RYR2: variants seen among roughly 807,000 people sequenced by gnomAD.
RYR2 encodes ryanodine receptor 2, also known as cardiac muscle ryanodine receptor-calcium release channel.
A neutral mutation model predicts 601.1 loss-of-function variants in RYR2; 227 were observed. That is an observed-to-expected ratio of 0.38 (90% confidence interval 0.34 to 0.42). The LOEUF (loss-of-function observed/expected upper bound fraction) is 0.42. Among genes scored for constraint, RYR2 ranks in the 10% least tolerant of loss-of-function variants. The pLI is 1.00. For missense variants in RYR2, 4,646 were observed against 6,156.5 expected, an observed-to-expected ratio of 0.75 and a Z score of 8.21; for synonymous variants, 2,223 against 2,175.1, an observed-to-expected ratio of 1.02 and a Z score of -0.61.
chr1:237,163,456 G>A (rs2485595), intron 1 of RYR2, among the ~76,000 whole-genome samples: 83,593 of 150,454 alleles, frequency 0.56, 24,537 homozygotes, highest in Non-Finnish European at 0.65. Context: ...TGGCATTACT[G>A]ATGTAAACAC....
chr1:237,435,674 A>T (rs1707274018), intron 12 of RYR2, among the ~76,000 whole-genome samples: 1 of 152,210 alleles, frequency 6.6e-6, no homozygotes, highest in Admixed American at 6.5e-5. Context: ...ACATATCATA[A>T]TTTGATAGTT....
intron 67 of RYR2, 27 bp from the exon 68 acceptor site, chr1:237,706,922 C>G: frequency 6.4e-7 from 1 of 1,562,172 alleles, no homozygotes; most frequent in Non-Finnish European, 8.8e-7. Flanking sequence ...CTTTGAATAT[C>G]ATCCATTTTT....
intron 22 of RYR2, among the ~76,000 whole-genome samples, chr1:237,504,594 C>T (rs941686036): frequency 6.6e-6 from 1 of 152,180 alleles, no homozygotes; most frequent in Non-Finnish European, 1.5e-5. Flanking sequence ...AGAGGCCTGA[C>T]AATACTTTTA....
intron 37 of RYR2, among the ~76,000 whole-genome samples, chr1:237,616,902 C>T (rs1312409758): frequency 4.6e-5 from 7 of 152,136 alleles, no homozygotes; most frequent in Admixed American, 3.3e-4. Flanking sequence ...GGGGAACTTC[C>T]ATTTATAAAA....
intron 2 of RYR2, among the ~76,000 whole-genome samples, chr1:237,302,942 C>T (rs1693506079): frequency 1.3e-5 from 2 of 152,132 alleles, no homozygotes. Context: ...ATCTTCTGAG[C>T]TGTGTTTCTA....
At chr1:237,648,013 G>A (rs187211632) in intron 48 of RYR2, among the ~76,000 whole-genome samples, 82 of 152,270 alleles carry the variant, frequency 5.4e-4, no homozygotes, top group Middle Eastern at 6.8e-3. Context: ...GTTCTAAGAC[G>A]TGAAAATGTA....
chr1:237,064,121 T>C (rs1178630312), intron 1 of RYR2, among the ~76,000 whole-genome samples: 1 of 152,214 alleles, frequency 6.6e-6, no homozygotes, highest in African/African-American at 2.4e-5. Flanking sequence ...ATTCCGATGA[T>C]AGATATTTTG....
chr1:237,711,646 A>T lies in RYR2; in HGVS notation c.10231-99A>T, dbSNP rs181747713. On this transcript the variant is annotated intron_variant, in intron 70 of 104. Transcript: ENST00000366574. ...TTTGATAATTCTTATATATCAAATT[A>T]ATACTTATCTCTGTAAAAACTTGCA... The T allele has an allele frequency of 2.2e-4, 145 of 671,344 alleles. No homozygotes were observed. In the East Asian group the frequency reaches 3.7e-3, roughly 17 times the overall value. 41.6% of individuals were successfully genotyped at this position (671,344 alleles called of 1,614,324 possible).
chr1:237,601,525 T>C (rs1361066874), intron 34 of RYR2, among the ~76,000 whole-genome samples: 2 of 152,080 alleles, frequency 1.3e-5, no homozygotes, highest in East Asian at 3.9e-4. Context: ...TATTGGACAG[T>C]AGGGTGACTA....
chr1:237,723,140 G>T lies in RYR2; in HGVS notation c.10567G>T (p.Ala3523Ser). 6.2e-7 allele frequency: 1 copy of T among 1,608,754 alleles called. No individual in the cohort carries two copies. Among genetic ancestry groups the T allele is most frequent in the South Asian group, 1.1e-5 (1 of 89,624 alleles). ...CTTTTTTCTGCAGTTGGAGGATCCT[G>T]CTATTAGATGGCAAATGGCTCTTTA... The part of the protein sequence containing the change: ...IHLQGKLEDP[A>S]IRWQMALYKD... The change falls in exon 74 of 105, where the codon GCT becomes TCT. Residue 3523 changes from alanine (A) to serine (S), a missense_variant. Around this residue, in one of 17 missense-constraint regions of RYR2, gnomAD observed 1,497 missense variants for 1,842.6 expected, o/e 0.81. Coordinates refer to ENST00000366574, the MANE Select transcript of RYR2 (RefSeq NM_001035.3).
intron 101 of RYR2, among the ~76,000 whole-genome samples, chr1:237,823,157 A>G (rs1346061634): frequency 2.0e-5 from 3 of 152,308 alleles, no homozygotes; most frequent in Middle Eastern, 3.4e-3. Flanking sequence ...CCAGGACTTG[A>G]ACTCAGCTCT....
chr1:237,587,276 C>T (rs771807008), intron 29 of RYR2, among the ~76,000 whole-genome samples: 119 of 152,290 alleles, frequency 7.8e-4, no homozygotes, highest in Non-Finnish European at 1.3e-3. Context: ...TGTTAGGACT[C>T]AAACAGTATG....
chr1:237,595,295 A>C (rs531947548), intron 33 of RYR2, among the ~76,000 whole-genome samples: 15 of 152,120 alleles, frequency 9.9e-5, no homozygotes, highest in Non-Finnish European at 1.8e-4. Context: ...TGAAATGTAG[A>C]GACTTATAAG....
At chr1:237,400,901 T>A (rs973614223) in intron 10 of RYR2, among the ~76,000 whole-genome samples, 5 of 152,170 alleles carry the variant, frequency 3.3e-5, no homozygotes, top group African/African-American at 1.2e-4. Flanking sequence ...GAAGCACAAC[T>A]GTTAGAAGAA....
intron 10 of RYR2, among the ~76,000 whole-genome samples, chr1:237,394,612 C>T (rs1372361802): frequency 6.6e-6 from 1 of 152,194 alleles, no homozygotes; most frequent in Non-Finnish European, 1.5e-5. Context: ...CTTATAATTT[C>T]ACTCTGAAAT....
chr1:237,312,133 G>A (rs555104113), intron 2 of RYR2, among the ~76,000 whole-genome samples: 1 of 152,242 alleles, frequency 6.6e-6, no homozygotes, highest in South Asian at 2.1e-4. Flanking sequence ...AAATTCTTTG[G>A]TAAAAGCAAG....
chr1:237,792,583 C>T (rs1297928962), intron 94 of RYR2, among the ~76,000 whole-genome samples: 3 of 152,048 alleles, frequency 2.0e-5, no homozygotes, highest in Admixed American at 2.0e-4. Flanking sequence ...CAGCAGGTGC[C>T]GTCTCCAAAG....
At chr1:237,194,402 C>T (rs539792788) in intron 1 of RYR2, among the ~76,000 whole-genome samples, 132 of 152,310 alleles carry the variant, frequency 8.7e-4, no homozygotes, top group African/African-American at 3.1e-3. Context: ...CGGCAAGGAG[C>T]TCATAGTGCA....
chr1:237,497,409 AT>A (rs1353609023), intron 20 of RYR2, among the ~76,000 whole-genome samples: 1 of 152,236 alleles, frequency 6.6e-6, no homozygotes, highest in African/African-American at 2.4e-5. Flanking sequence ...CTTTTCTCTG[AT>A]TCATGAAGAA....
Sources: gnomAD v4.1 joint callset for allele counts (sites outside exome capture counted in the v4.1 genomes callset) on GRCh38, gnomAD v4.1.1 for gene constraint, gnomAD v4.1.1 regional missense constraint, MANE v1.5 for transcripts, NCBI Gene and HGNC (gene_info 2026-07-23, HGNC 2026-07-21) for gene names.